Variants in AKNA observed in about 807,000 individuals in gnomAD.
AKNA encodes microtubule organization protein AKNA.
A neutral mutation model predicts 138.8 loss-of-function variants in AKNA; 67 were observed. The observed-to-expected ratio is 0.48, with a 90% CI of 0.40 to 0.59. The LOEUF is 0.59. Ranked by LOEUF, AKNA falls within the 20% of genes least tolerant of loss-of-function variation. The pLI is 0.00. For synonymous variants in AKNA, 737 were observed against 754.4 expected, an observed-to-expected ratio of 0.98 and a Z score of 0.38; for missense variants, 1,813 against 1,880.4, an observed-to-expected ratio of 0.96 and a Z score of 0.66.
chr9:114,362,318 T>C, intron 8 of AKNA, 88 bp downstream of exon 8: 2 of 1,462,788 alleles, frequency 1.4e-6, no homozygotes, highest in Admixed American at 2.7e-5. Flanking sequence ...GTACAAATTA[T>C]AAGGACAAAG....
downstream of AKNA, chr9:114,330,861 C>A (rs148334624): frequency 3.1e-6 from 5 of 1,613,336 alleles, no homozygotes; most frequent in East Asian, 6.7e-5. Flanking sequence ...TCTCCAGATA[C>A]GGTGAGGGCC....
chr9:114,361,482 TG>T (rs1396033714), intron 9 of AKNA, among the ~76,000 whole-genome samples: 1 of 151,928 alleles, frequency 6.6e-6, no homozygotes, highest in Non-Finnish European at 1.5e-5. Flanking sequence ...GAAAACTCTG[TG>T]AAGGTAGACG....
chr9:114,345,661 C>CTGAATGAATGAATGAATGAA (rs201959374), intron 18 of AKNA: 14 of 545,404 alleles, frequency 2.6e-5, no homozygotes, highest in African/African-American at 2.0e-4. Context: ...AAAGTGTTTG[C>CTGAATGAATGAATGAATGAA]TGAATGAATG....
At chr9:114,392,917 A>T (rs966065055), upstream of AKNA, among the ~76,000 whole-genome samples, 2 of 152,204 alleles carry the variant, frequency 1.3e-5, no homozygotes, top group African/African-American at 2.4e-5. Flanking sequence ...GCCAACTGAG[A>T]TAAGGGTTAT....
chr9:114,384,299 AGCGGCTCACACCT>A (rs1377260662), intron 1 of AKNA, among the ~76,000 whole-genome samples: 2 of 152,230 alleles, frequency 1.3e-5, no homozygotes, highest in Non-Finnish European at 2.9e-5. Context: ...GGCCAGGTAC[AGCGGCTCACACCT>A]GCAATCCCAG....
At chr9:114,381,655 G>GTTTT (rs1160552279) in intron 1 of AKNA, among the ~76,000 whole-genome samples, 5,052 of 82,858 alleles carry the variant, frequency 0.061, 321 homozygotes, top group Middle Eastern at 0.1. Context: ...TCTCTCCAGG[G>GTTTT]TTTTTTTTTT....
In AKNA at chr9:114,336,940, C is replaced by G. The variant is rs1830024898; in HGVS notation, c.*114G>C. On this transcript the variant is annotated 3_prime_UTR_variant, in exon 22 of 22. Coordinates refer to ENST00000374088, the MANE Select transcript of AKNA (RefSeq NM_001317950.2). ...GCGGGACCTGTGCTGGAGGGAGACC[C>G]TCCTGGTGAGGAACTATGCGGGCCT... The G allele has an allele frequency of 7.5e-7, 1 of 1,336,096 alleles. No individual in the cohort carries two copies. Among genetic ancestry groups the G allele is most frequent in the African/African-American group, 1.5e-5 (1 of 67,520 alleles). 82.8% of individuals were successfully genotyped at this position (1,336,096 alleles called of 1,614,324 possible).
At chr9:114,384,540 C>T (rs1323921922) in intron 1 of AKNA, among the ~76,000 whole-genome samples, 1 of 152,228 alleles carries the variant, frequency 6.6e-6, no homozygotes, top group African/African-American at 2.4e-5. Context: ...TCCCCCTTAA[C>T]TCCTCCTCCT....
At chr9:114,381,927 G>A (rs1356108644) in intron 1 of AKNA, among the ~76,000 whole-genome samples, 1 of 152,162 alleles carries the variant, frequency 6.6e-6, no homozygotes, top group Non-Finnish European at 1.5e-5. Flanking sequence ...GGGATTACAG[G>A]TGTGAGCCAC....
chr9:114,338,391 G>C (rs1236663530), intron 21 of AKNA, among the ~76,000 whole-genome samples: 5 of 152,254 alleles, frequency 3.3e-5, no homozygotes, highest in Non-Finnish European at 7.3e-5. Flanking sequence ...TGACAAGAAT[G>C]TGGAGAAACT....
At position 114,368,533 on chromosome 9, in the gene AKNA, C is replaced by T; in HGVS notation, c.1479G>A (p.Gln493=). The T allele has an allele frequency of 7.2e-7, 1 of 1,383,138 alleles. No individual in the cohort carries two copies. Among genetic ancestry groups the T allele is most frequent in the African/African-American group, 1.5e-5 (1 of 67,126 alleles). 85.7% of individuals were successfully genotyped at this position (1,383,138 alleles called of 1,614,324 possible). A position where few individuals can be genotyped will look rare whatever the true frequency, so the allele number is the denominator to read the frequency against. Residue 493 remains glutamine (Q), a synonymous_variant, in exon 5 of 22, where the codon CAG becomes CAA. Coordinates refer to ENST00000374088, the MANE Select transcript of AKNA (RefSeq NM_001317950.2). ...NHSIHTGMVP[Q]GTKVLSFTIP... ...TGGTGAAGGACAAGACCTTGGTCCCCTGGGGCACCATTCCCGTGTGGATGC... is the reference window on the plus strand; with the variant it reads ...TGGTGAAGGACAAGACCTTGGTCCCTTGGGGCACCATTCCCGTGTGGATGC...
intron 1 of AKNA, among the ~76,000 whole-genome samples, chr9:114,384,911 G>C (rs1833925548): frequency 6.6e-6 from 1 of 152,090 alleles, no homozygotes; most frequent in African/African-American, 2.4e-5. Context: ...GAGTACAATG[G>C]CAATCAGAGC....
At chr9:114,355,786 T>G (rs968005623) in intron 14 of AKNA, 139 bp downstream of exon 14, 1 of 949,204 alleles carries the variant, frequency 1.1e-6, no homozygotes, top group Non-Finnish European at 1.5e-6. Flanking sequence ...TTTTGTTCCC[T>G]TTTGTCCACG....
At chr9:114,375,258 G>A (rs746832555) in intron 3 of AKNA, among the ~76,000 whole-genome samples, 2 of 152,200 alleles carry the variant, frequency 1.3e-5, no homozygotes, top group African/African-American at 2.4e-5. Flanking sequence ...CCCAGACTGC[G>A]GACGACTCTG....
chr9:114,330,574 C>A (rs1754714873), downstream of AKNA: 8 of 1,612,850 alleles, frequency 5.0e-6, no homozygotes, highest in Non-Finnish European at 5.1e-6. Context: ...AGTACCAGAC[C>A]CGGTGAGAGC....
intron 11 of AKNA, chr9:114,359,357 C>A: frequency 1.2e-6 from 1 of 803,662 alleles, no homozygotes; most frequent in Non-Finnish European, 1.9e-6. Flanking sequence ...GCATGAGCCA[C>A]TGTGCCCAGC....
At position 114,361,901 on chromosome 9, in the gene AKNA, C is replaced by T. The variant is rs767590349; in HGVS notation, c.1927G>A (p.Ala643Thr). ...GRFDPRRELE[A>T]EIYRLGSCLE... ...CAGCTTCCCAGACGGTATATCTCTG[C>T]CTCCAGCTCCCTGGAATGCAGAAAC... Residue 643 changes from alanine (A) to threonine (T), a missense_variant, in exon 9 of 22, where the codon GCA becomes ACA. Physicochemically the swap from Ala to Thr is moderately conservative, Grantham distance 58 (BLOSUM62 0). Transcript: ENST00000374088. The T allele has an allele frequency of 1.2e-6, 2 of 1,601,940 alleles. No homozygotes were observed. The highest frequency in any genetic ancestry group is 1.7e-6 in the Non-Finnish European group (2 of 1,179,950).
upstream of AKNA, among the ~76,000 whole-genome samples, chr9:114,392,628 T>C (rs972172552): frequency 6.6e-6 from 1 of 152,252 alleles, no homozygotes; most frequent in Non-Finnish European, 1.5e-5. Context: ...CACAAATAAA[T>C]GGCCTTGCCT....
rs147861969 is a variant in AKNA, at chr9:114,376,522, C to A, written c.1285G>T (p.Val429Leu). 2 of 1,613,952 alleles carry A rather than the reference C, an allele frequency of 1.2e-6. No homozygotes were observed. The highest frequency in any genetic ancestry group is 2.2e-5 in the South Asian group (2 of 91,076). ...TCAGGCGTCTGAAATTCTTGGGGTA[C>A]CCTGGTGATAGGGTGGGCAGGAGGC... Reference protein sequence around the residue: ...DTPPAHPITRVPQEFQTPEQA... With the variant: ...DTPPAHPITRLPQEFQTPEQA... Residue 429 changes from valine to leucine, a missense_variant, in exon 3 of 22, where the codon GTA (valine) becomes TTA (leucine). Val to Leu is a conservative substitution (Grantham distance 32). Transcript: ENST00000374088.
Sources: gnomAD v4.1 joint callset for allele counts (sites outside exome capture counted in the v4.1 genomes callset) on GRCh38, gnomAD v4.1.1 for gene constraint, MANE v1.5 for transcripts, NCBI Gene and HGNC (gene_info 2026-07-23, HGNC 2026-07-21) for gene names.